Variants in CSMD1 observed in about 807,000 individuals in gnomAD.
CSMD1 encodes CUB and sushi domain-containing protein 1.
A neutral mutation model predicts 417.5 loss-of-function variants in CSMD1; 213 were observed. The observed-to-expected ratio is 0.51, with a 90% confidence interval of 0.46 to 0.57. The LOEUF (loss-of-function observed/expected upper bound fraction) is 0.57. CSMD1 is among the 20% of genes least tolerant of loss of function. The pLI is 0.00. For synonymous variants in CSMD1, 2,862 were observed against 1,736.8 expected (o/e 1.65, Z -16.11); for missense variants, 6,923 against 4,529.7 (o/e 1.53, Z -15.17).
intron 5 of CSMD1, among the ~76,000 whole-genome samples, chr8:3,845,902 A>C (rs1156435056): frequency 6.6e-6 from 1 of 151,996 alleles, no homozygotes; most frequent in Non-Finnish European, 1.5e-5. Flanking sequence ...CCTAGGCCTA[A>C]ACAGTGATCA....
intron 69 of CSMD1, 134 bp from the exon 70 acceptor site, chr8:2,938,878 T>G: frequency 1.5e-6 from 1 of 676,682 alleles, no homozygotes; most frequent in Non-Finnish European, 2.5e-6. Context: ...AAGGAAGGCA[T>G]CCACACCTGC....
intron 5 of CSMD1, among the ~76,000 whole-genome samples, chr8:3,840,154 T>C (rs1332541315): frequency 6.6e-6 from 1 of 152,184 alleles, no homozygotes; most frequent in Non-Finnish European, 1.5e-5. Context: ...TACTTAATGT[T>C]TTCTCAACAT....
chr8:3,068,952 C>G (rs1245403006), intron 49 of CSMD1, among the ~76,000 whole-genome samples: 1 of 152,102 alleles, frequency 6.6e-6, no homozygotes, highest in Non-Finnish European at 1.5e-5. Flanking sequence ...AAAATCATGT[C>G]TTCCCAACAG....
intron 5 of CSMD1, among the ~76,000 whole-genome samples, chr8:3,936,859 C>G (rs1045187486): frequency 3.9e-5 from 6 of 152,102 alleles, no homozygotes; most frequent in African/African-American, 1.4e-4. Flanking sequence ...ATGGATCTAG[C>G]TAGACAAGGT....
Position 3,108,649 on chromosome 8 carries a change from G to C in CSMD1, c.6708C>G (p.Phe2236Leu), listed in dbSNP as rs771766661. 2.5e-6 allele frequency: 4 copies of C among 1,613,808 alleles called. No homozygotes were observed. Among genetic ancestry groups the C allele is most frequent in the Middle Eastern group, 1.7e-4 (1 of 6,060 alleles). ...YSSTNQVLLK[F>L]HSDFSNGGFF... ...AGCCTCCATTTGAAAAGTCGCTGTG[G>C]AACTTGAGCAGGACTTGGTTGGTGG... Residue 2236 changes from phenylalanine (F) to leucine (L), a missense_variant, in exon 44 of 70, where the codon TTC (phenylalanine) becomes TTG (leucine). Physicochemically the swap from Phe to Leu is conservative, Grantham distance 22 (BLOSUM62 0). Coordinates refer to ENST00000635120, the MANE Select transcript of CSMD1 (RefSeq NM_033225.6).
chr8:4,234,602 T>C (rs1189583996), intron 3 of CSMD1, among the ~76,000 whole-genome samples: 1 of 152,208 alleles, frequency 6.6e-6, no homozygotes. Context: ...TGTTTGTATT[T>C]ACACTTTATT....
intron 1 of CSMD1, among the ~76,000 whole-genome samples, chr8:4,654,595 T>G (rs1252798796): frequency 6.6e-6 from 1 of 152,100 alleles, no homozygotes; most frequent in African/African-American, 2.4e-5. Context: ...AGTTTTATAT[T>G]AGGAAGTTCA....
chr8:4,382,750 C>T (rs918005396), intron 3 of CSMD1, among the ~76,000 whole-genome samples: 1 of 152,176 alleles, frequency 6.6e-6, no homozygotes, highest in Non-Finnish European at 1.5e-5. Context: ...GGTCCATAAA[C>T]ATTCTGTGTC....
At chr8:3,808,144 C>G (rs1800854397) in intron 5 of CSMD1, among the ~76,000 whole-genome samples, 1 of 152,082 alleles carries the variant, frequency 6.6e-6, no homozygotes, top group African/African-American at 2.4e-5. Context: ...GTGAAATCAT[C>G]TATAATCTCT....
At chr8:4,193,841 G>C (rs1388651442) in intron 3 of CSMD1, among the ~76,000 whole-genome samples, 1 of 151,974 alleles carries the variant, frequency 6.6e-6, no homozygotes, top group East Asian at 1.9e-4. Context: ...GTTCAGCCGT[G>C]TTTCCCATTC....
At chr8:4,458,987 G>T (rs768540325) in intron 2 of CSMD1, among the ~76,000 whole-genome samples, 1 of 152,142 alleles carries the variant, frequency 6.6e-6, no homozygotes, top group Non-Finnish European at 1.5e-5. Flanking sequence ...TCTCAGTGAG[G>T]ATTCACGTTT....
chr8:4,260,443 G>C (rs536527179), intron 3 of CSMD1, among the ~76,000 whole-genome samples: 1 of 152,216 alleles, frequency 6.6e-6, no homozygotes, highest in Admixed American at 6.5e-5. Flanking sequence ...GTACTTTACT[G>C]AGTGTGGGTT....
chr8:4,937,904 C>G (rs570801154), intron 1 of CSMD1, among the ~76,000 whole-genome samples: 1 of 152,262 alleles, frequency 6.6e-6, no homozygotes, highest in East Asian at 1.9e-4. Flanking sequence ...TGTTTTTCCT[C>G]TTTCCCAAAT....
At chr8:4,598,738 G>C (rs1483581173) in intron 2 of CSMD1, among the ~76,000 whole-genome samples, 1 of 152,112 alleles carries the variant, frequency 6.6e-6, no homozygotes, top group African/African-American at 2.4e-5. Context: ...CTCAGTTTAT[G>C]TTTATTGAAG....
At chr8:4,402,800 C>CTTTTTTTTTTTTTTTTTTT (rs60965667) in intron 3 of CSMD1, among the ~76,000 whole-genome samples, 10 of 89,370 alleles carry the variant, frequency 1.1e-4, no homozygotes, top group Admixed American at 3.8e-4. Context: ...TCACTTTTTT[C>CTTTTTTTTTTTTTTTTTTT]TTTTTTTTTT....
chr8:3,224,501 C>T (rs572950562), intron 27 of CSMD1, among the ~76,000 whole-genome samples: 2 of 152,136 alleles, frequency 1.3e-5, no homozygotes, highest in Non-Finnish European at 2.9e-5. Flanking sequence ...AATTACTTTC[C>T]CCATATTTCA....
chr8:2,945,894 TA>T (rs1428381393), intron 68 of CSMD1, among the ~76,000 whole-genome samples: 1 of 152,214 alleles, frequency 6.6e-6, no homozygotes, highest in Non-Finnish European at 1.5e-5. Context: ...GCACATGTGA[TA>T]AGCTAGGTCA....
In CSMD1 at chr8:4,884,556, G is replaced by A. The variant is rs556430540; in HGVS notation, c.85+109776C>T. Among the ~76,000 whole-genome samples the A allele has an allele frequency of 2.2e-4, 33 of 152,096 alleles. No individual in the cohort carries two copies. The South Asian group carries it at 6.8e-3, about 32-fold the overall frequency. ...TTTTGAGTTAATTTTTGTATATTGA[G>A]ATGGATTGGGCTTCGACTTCATCAC... is the stretch of plus-strand genomic sequence containing the variant. On this transcript the variant is annotated intron_variant, in intron 1 of 69. Transcript: ENST00000635120.
chr8:3,524,524 G>A (rs777682079), intron 10 of CSMD1, among the ~76,000 whole-genome samples: 1 of 133,476 alleles, frequency 7.5e-6, no homozygotes, highest in African/African-American at 2.9e-5. Flanking sequence ...CACATGCAAA[G>A]ACATACGCAC....
Sources: gnomAD v4.1 joint callset for allele counts (sites outside exome capture counted in the v4.1 genomes callset) on GRCh38, gnomAD v4.1.1 for gene constraint, MANE v1.5 for transcripts, NCBI Gene and HGNC (gene_info 2026-07-23, HGNC 2026-07-21) for gene names.